The following GRAP2 variants were observed in gnomAD, a reference collection of about 807,000 sequenced individuals.
GRAP2 encodes the protein GRB2-related adapter protein 2.
Under a neutral mutation model 43.5 loss-of-function variants are expected in GRAP2, and 31 were observed. That is an observed-to-expected ratio of 0.71 (90% confidence interval 0.54 to 0.96). GRAP2 has a LOEUF of 0.96. Among genes scored for constraint, GRAP2 ranks in the 40% least tolerant of loss-of-function variants. The pLI is 0.00. For synonymous variants in GRAP2, 156 were observed against 164.8 expected (o/e 0.95, Z 0.41); for missense variants, 371 against 424.4 (o/e 0.87, Z 1.11).
At chr22:39,920,035 T>C (rs2066635658) in intron 1 of GRAP2, among the ~76,000 whole-genome samples, 1 of 152,224 alleles carries the variant, frequency 6.6e-6, no homozygotes, top group South Asian at 2.1e-4. Context: ...GAGGACCCAA[T>C]GTCAAAAAAG....
Position 39,968,198 on chromosome 22 carries a change from C to A in GRAP2, c.616C>A (p.Gln206Lys). ...QQHQHQPQPP[Q>K]YAPAPQQLQQ... ...GCACCAGCACCAGCCACAGCCTCCG[C>A]AATATGCCCCAGCGCCCCAGCAGCT... Residue 206 changes from glutamine to lysine, a missense_variant, in exon 6 of 8, where the codon CAA becomes AAA. Coordinates refer to ENST00000344138, the MANE Select transcript of GRAP2 (RefSeq NM_004810.4). 1.2e-6 allele frequency: 2 copies of A among 1,609,368 alleles called. No homozygotes were observed. The highest frequency in any genetic ancestry group is 1.1e-5 in the South Asian group (1 of 90,862).
intron 3 of GRAP2, among the ~76,000 whole-genome samples, chr22:39,959,431 G>T (rs2067092744): frequency 6.6e-6 from 1 of 152,166 alleles, no homozygotes; most frequent in Non-Finnish European, 1.5e-5. Context: ...TGCCAGCCTC[G>T]CTGATTTCCA....
intron 3 of GRAP2, among the ~76,000 whole-genome samples, chr22:39,958,277 C>G (rs1409562870): frequency 6.6e-6 from 1 of 152,156 alleles, no homozygotes; most frequent in Admixed American, 6.5e-5. Context: ...TAGAATGTCT[C>G]CTTTTCAGTG....
At chr22:39,924,496 T>C (rs973743200) in intron 1 of GRAP2, among the ~76,000 whole-genome samples, 1 of 151,454 alleles carries the variant, frequency 6.6e-6, no homozygotes, top group African/African-American at 2.4e-5. Flanking sequence ...AGGTCAGGAG[T>C]TCAAGACCAC....
chr22:39,928,156 C>G (rs1418186267), intron 1 of GRAP2, among the ~76,000 whole-genome samples: 1 of 152,214 alleles, frequency 6.6e-6, no homozygotes, highest in East Asian at 1.9e-4. Flanking sequence ...CTTTCCAAAT[C>G]TTAATGGATG....
chr22:39,944,038 GAA>G (rs2066896615), intron 1 of GRAP2, among the ~76,000 whole-genome samples: 1 of 152,096 alleles, frequency 6.6e-6, no homozygotes, highest in Admixed American at 6.5e-5. Flanking sequence ...CAGAAGCGCT[GAA>G]ATTGAAAACA....
intron 2 of GRAP2, among the ~76,000 whole-genome samples, chr22:39,952,932 T>C (rs2067002939): frequency 1.3e-5 from 2 of 152,220 alleles, no homozygotes; most frequent in Admixed American, 6.5e-5. Flanking sequence ...ATTTTTCAAA[T>C]GGCTGATTGA....
At chr22:39,945,145 T>C (rs2066909218) in intron 1 of GRAP2, among the ~76,000 whole-genome samples, 1 of 152,202 alleles carries the variant, frequency 6.6e-6, no homozygotes, top group African/African-American at 2.4e-5. Flanking sequence ...TCGTCCTAGG[T>C]CACAACAATT....
chr22:39,911,920 G>A (rs940204338), intron 1 of GRAP2, among the ~76,000 whole-genome samples: 1 of 152,160 alleles, frequency 6.6e-6, no homozygotes, highest in Non-Finnish European at 1.5e-5. Context: ...TGATTCTTAT[G>A]CACAGTAAAA....
At chr22:39,947,053 C>G in intron 1 of GRAP2, 40 bp from the exon 2 acceptor site, 1 of 1,165,292 alleles carries the variant, frequency 8.6e-7, no homozygotes, top group South Asian at 1.2e-5. Context: ...TGCCCTCCCC[C>G]TGGCAGAGAG....
intron 1 of GRAP2, among the ~76,000 whole-genome samples, chr22:39,918,457 C>G (rs1283618246): frequency 2.6e-5 from 4 of 152,186 alleles, no homozygotes; most frequent in African/African-American, 9.7e-5. Flanking sequence ...ATTTGTAAGT[C>G]TCTGCCGTGT....
chr22:39,910,532 C>T (rs974841893), intron 1 of GRAP2, among the ~76,000 whole-genome samples: 5 of 151,954 alleles, frequency 3.3e-5, no homozygotes, highest in Non-Finnish European at 4.4e-5. Context: ...CCTCAGCCTC[C>T]CGAGTAGCTG....
intron 1 of GRAP2, among the ~76,000 whole-genome samples, chr22:39,921,845 G>A (rs1292552750): frequency 6.6e-6 from 1 of 151,904 alleles, no homozygotes; most frequent in Non-Finnish European, 1.5e-5. Flanking sequence ...TCACTCTTTT[G>A]CCCAGGCTAG....
At chr22:39,958,734 C>T (rs1372174574) in intron 3 of GRAP2, among the ~76,000 whole-genome samples, 2 of 152,198 alleles carry the variant, frequency 1.3e-5, no homozygotes, top group African/African-American at 4.8e-5. Context: ...TGCGATATGG[C>T]TGCTGTGGTG....
At chr22:39,926,508 A>T in intron 1 of GRAP2, 10 of 591,770 alleles carry the variant, frequency 1.7e-5, no homozygotes, top group Non-Finnish European at 2.1e-5. Context: ...AAAGGAAAAG[A>T]GCAAAAAAGC....
chr22:39,957,465 C>T (rs1177251319), intron 3 of GRAP2, among the ~76,000 whole-genome samples: 1 of 152,170 alleles, frequency 6.6e-6, no homozygotes, highest in Non-Finnish European at 1.5e-5. Context: ...TGTGCTCAAA[C>T]AGTCGGCCTT....
intron 1 of GRAP2, among the ~76,000 whole-genome samples, chr22:39,922,407 C>T (rs1426132019): frequency 6.6e-6 from 1 of 152,150 alleles, no homozygotes; most frequent in Non-Finnish European, 1.5e-5. Context: ...GGATGATTTG[C>T]ACATTGTAAA....
At chr22:39,914,496 A>T (rs1345510827) in intron 1 of GRAP2, among the ~76,000 whole-genome samples, 1 of 152,170 alleles carries the variant, frequency 6.6e-6, no homozygotes, top group Non-Finnish European at 1.5e-5. Context: ...TTCATTTCGA[A>T]TGAGCTGCAA....
intron 1 of GRAP2, among the ~76,000 whole-genome samples, chr22:39,933,855 GA>G (rs1398875625): frequency 2.7e-5 from 4 of 149,708 alleles, no homozygotes; most frequent in Non-Finnish European, 4.5e-5. Context: ...AAAAAAAAAA[GA>G]AAAGAAAGAA....
Sources: allele counts gnomAD v4.1 joint callset (sites outside exome capture counted in the v4.1 genomes callset), GRCh38; gene constraint gnomAD v4.1.1; transcripts MANE v1.5; gene names NCBI Gene and HGNC (gene_info 2026-07-23, HGNC 2026-07-21).